The following TNFSF11 variants were observed in gnomAD, a reference collection of about 807,000 sequenced individuals.
TNFSF11 encodes TNF superfamily member 11, also known as tumor necrosis factor ligand superfamily member 11.
In TNFSF11, 12 loss-of-function variants were observed where a neutral mutation model predicts 32.2. The observed-to-expected ratio is 0.37, with a 90% CI of 0.24 to 0.60. The LOEUF is 0.60. Ranked by LOEUF, TNFSF11 falls within the 20% of genes least tolerant of loss-of-function variation. The pLI, the probability that TNFSF11 is intolerant of heterozygous loss-of-function variation, is 0.66. For missense variants in TNFSF11, 345 were observed against 398.0 expected (o/e 0.87, Z 1.13); for synonymous variants, 172 against 152.1 (o/e 1.13, Z -0.96).
intron 2 of TNFSF11, among the ~76,000 whole-genome samples, chr13:42,590,643 C>T (rs143121423): frequency 4.9e-4 from 74 of 152,282 alleles, no homozygotes; most frequent in African/African-American, 1.6e-3. Flanking sequence ...CACAATTAGC[C>T]CAAGATGCCA....
At chr13:42,587,301 A>G (rs934429514) in intron 2 of TNFSF11, among the ~76,000 whole-genome samples, 1 of 152,212 alleles carries the variant, frequency 6.6e-6, no homozygotes, top group African/African-American at 2.4e-5. Context: ...AGACTGGACA[A>G]GGTAGTCTCT....
intron 2 of TNFSF11, among the ~76,000 whole-genome samples, chr13:42,597,431 C>T (rs142597394): frequency 3.4e-5 from 5 of 149,244 alleles, no homozygotes; most frequent in South Asian, 2.1e-4. Context: ...AAAATGGGTC[C>T]GTAGCAACTC....
chr13:42,580,651 T>A (rs551832550), intron 1 of TNFSF11, among the ~76,000 whole-genome samples: 1 of 152,296 alleles, frequency 6.6e-6, no homozygotes, highest in South Asian at 2.1e-4. Context: ...ACATGGTGGT[T>A]AAAGATGATG....
chr13:42,600,745 A>G lies in TNFSF11; in HGVS notation c.388-7A>G. 1 of 1,612,158 alleles carries G rather than the reference A, an allele frequency of 6.2e-7. No individual in the cohort carries two copies. The highest frequency in any genetic ancestry group is 8.5e-7 in the Non-Finnish European group (1 of 1,179,304). ...ATAAATAAAATTATTTTTCCTTTTT[A>G]TTTCAGGAATTACAACATATCGTTG... On this transcript the variant is annotated splice_region_variant and splice_polypyrimidine_tract_variant and intron_variant, in intron 2 of 4. Transcript: ENST00000398795.
intron 2 of TNFSF11, among the ~76,000 whole-genome samples, chr13:42,596,077 G>A (rs1041086857): frequency 1.3e-5 from 2 of 152,172 alleles, no homozygotes; most frequent in East Asian, 1.9e-4. Flanking sequence ...AAAAATATTA[G>A]GGGGCTATCA....
intron 2 of TNFSF11, among the ~76,000 whole-genome samples, chr13:42,593,384 T>C (rs1432812023): frequency 1.3e-5 from 2 of 152,152 alleles, no homozygotes; most frequent in African/African-American, 4.8e-5. Flanking sequence ...AGAAGGGACA[T>C]GTACTTTAGG....
chr13:42,564,470 G>A (rs1463303793), intron 1 of TNFSF11, among the ~76,000 whole-genome samples: 3 of 152,042 alleles, frequency 2.0e-5, no homozygotes, highest in Non-Finnish European at 4.4e-5. Flanking sequence ...GGTAGGCTGA[G>A]GCAGGAGAAT....
At chr13:42,571,954 A>C (rs558488695), upstream of TNFSF11, among the ~76,000 whole-genome samples, 2 of 152,370 alleles carry the variant, frequency 1.3e-5, no homozygotes, top group South Asian at 4.1e-4. Context: ...GAAATGGTGA[A>C]TGTTACAGAG....
chr13:42,565,069 A>T (rs1427762470), intron 1 of TNFSF11, among the ~76,000 whole-genome samples: 1 of 152,228 alleles, frequency 6.6e-6, no homozygotes, highest in Non-Finnish European at 1.5e-5. Context: ...CAAACTCAAC[A>T]CTACACCTAT....
chr13:42,592,960 CG>C (rs1868587189), intron 2 of TNFSF11, among the ~76,000 whole-genome samples: 1 of 152,118 alleles, frequency 6.6e-6, no homozygotes, highest in Admixed American at 6.5e-5. Flanking sequence ...CATGCGGAAC[CG>C]TAAGCCAATT....
intron 2 of TNFSF11, among the ~76,000 whole-genome samples, chr13:42,598,932 A>G (rs1430882777): frequency 6.6e-6 from 1 of 152,180 alleles, no homozygotes; most frequent in Non-Finnish European, 1.5e-5. Flanking sequence ...AAATCTTGGA[A>G]GACTGGAGGT....
chr13:42,600,870 C>T lies in TNFSF11; in HGVS notation c.434-13C>T, dbSNP rs746401278. ...TATTTTGGCTATAATAATATGGTTT[C>T]TCTCATCTCCAGCGATGGTGGATGG... On this transcript the variant is annotated splice_polypyrimidine_tract_variant and intron_variant, in intron 3 of 4. Coordinates refer to ENST00000398795, the MANE Select transcript of TNFSF11 (RefSeq NM_003701.4). The T allele has an allele frequency of 1.2e-6, 2 of 1,614,126 alleles. No individual in the cohort carries two copies. Among genetic ancestry groups the T allele is most frequent in the Non-Finnish European group, 1.7e-6 (2 of 1,180,010 alleles).
intron 2 of TNFSF11, among the ~76,000 whole-genome samples, chr13:42,584,139 A>G (rs1267081746): frequency 1.3e-5 from 2 of 152,224 alleles, no homozygotes; most frequent in Non-Finnish European, 2.9e-5. Context: ...TGGATAATGT[A>G]AAGACATAAC....
At chr13:42,598,164 AGT>A (rs368613614) in intron 2 of TNFSF11, among the ~76,000 whole-genome samples, 83 of 152,282 alleles carry the variant, frequency 5.5e-4, no homozygotes, top group African/African-American at 1.8e-3. Context: ...CTTGATTATA[AGT>A]GTGTTTGTAT....
chr13:42,573,345 T>G (rs977167610), upstream of TNFSF11, among the ~76,000 whole-genome samples: 1 of 152,222 alleles, frequency 6.6e-6, no homozygotes, highest in Non-Finnish European at 1.5e-5. Flanking sequence ...TGTTAATATT[T>G]TTGTTTTCTC....
At chr13:42,579,703 C>CTTTTT (rs1873502978) in intron 1 of TNFSF11, among the ~76,000 whole-genome samples, 3 of 75,476 alleles carry the variant, frequency 4.0e-5, no homozygotes, top group African/African-American at 1.6e-4. Context: ...ATAAGTAAGC[C>CTTTTT]CTTTTTTTTT....
At chr13:42,568,060 C>T (rs762975916) in intron 2 of TNFSF11, among the ~76,000 whole-genome samples, 7 of 152,240 alleles carry the variant, frequency 4.6e-5, no homozygotes, top group Non-Finnish European at 1.0e-4. Context: ...CTACTTCTGG[C>T]TGGTTTTACA....
chr13:42,568,793 T>C (rs552623547), intron 2 of TNFSF11, among the ~76,000 whole-genome samples: 1 of 152,342 alleles, frequency 6.6e-6, no homozygotes, highest in South Asian at 2.1e-4. Flanking sequence ...TGAGATATTT[T>C]CACAGACTTA....
intron 1 of TNFSF11, among the ~76,000 whole-genome samples, chr13:42,576,608 C>T (rs1025522888): frequency 6.6e-6 from 1 of 151,820 alleles, no homozygotes; most frequent in Non-Finnish European, 1.5e-5. Flanking sequence ...ATTCTGAACC[C>T]AATTTTGTAT....
Sources: gnomAD v4.1 joint callset for allele counts (sites outside exome capture counted in the v4.1 genomes callset) on GRCh38, gnomAD v4.1.1 for gene constraint, MANE v1.5 for transcripts, NCBI Gene and HGNC (gene_info 2026-07-23, HGNC 2026-07-21) for gene names.